PCDHGA3: variants seen among roughly 807,000 people sequenced by gnomAD.
The protein encoded by PCDHGA3 is protocadherin gamma subfamily A, 3, also known as protocadherin gamma-A3.
Under a neutral mutation model 58.5 loss-of-function variants are expected in PCDHGA3, and 40 were observed. The observed-to-expected ratio is 0.68, with a 90% CI of 0.53 to 0.89. The LOEUF is 0.89. PCDHGA3 is among the 40% of genes least tolerant of loss of function. The pLI is 0.00. For missense variants in PCDHGA3, 1,223 were observed against 1,195.9 expected (o/e 1.02, Z -0.33); for synonymous variants, 530 against 525.7 (o/e 1.01, Z -0.11).
At chr5:141,385,066 C>G in intron 1 of PCDHGA3, 1 of 1,614,194 alleles carries the variant, frequency 6.2e-7, no homozygotes, top group Non-Finnish European at 8.5e-7. Context: ...GCACAAGTCA[C>G]GCCTGCTGCA....
At chr5:141,474,016 G>A (rs1286684019) in intron 1 of PCDHGA3, among the ~76,000 whole-genome samples, 1 of 152,128 alleles carries the variant, frequency 6.6e-6, no homozygotes, top group Non-Finnish European at 1.5e-5. Context: ...GTTACAGTGA[G>A]CTATGATTAT....
rs1292946472 is a variant in PCDHGA3 at position 141,382,951 on chromosome 5, A to G, written c.2424+36494A>G. 2 of 1,600,898 alleles carry G rather than the reference A, an allele frequency of 1.2e-6. No homozygotes were observed. The highest frequency in any genetic ancestry group is 1.7e-6 in the Non-Finnish European group (2 of 1,171,390). On this transcript the variant is annotated intron_variant, in intron 1 of 3. Coordinates refer to ENST00000253812, the MANE Select transcript of PCDHGA3 (RefSeq NM_018916.4). ...CTACAGAGGATTCTTCCTGCTCTCCATCCTCCTGGGGACCCCCTGGGAAGC... is the reference window on the plus strand; with the variant it reads ...CTACAGAGGATTCTTCCTGCTCTCCGTCCTCCTGGGGACCCCCTGGGAAGC...
At chr5:141,362,212 G>C in intron 1 of PCDHGA3, 1 of 1,614,048 alleles carries the variant, frequency 6.2e-7, no homozygotes, top group Non-Finnish European at 8.5e-7. Flanking sequence ...GTTTTACCTG[G>C]TTGTGGCCTT....
At position 141,486,891 on chromosome 5, in the gene PCDHGA3, G is replaced by C. The variant is rs201201426; in HGVS notation, c.2425-7916G>C. On this transcript the variant is annotated intron_variant, in intron 1 of 3. Transcript: ENST00000253812. This position sits in a 1 kb window ranked among gnomAD's most constrained non-coding sequence, Gnocchi z 5.0. ...GTGCTCCGTCCTCGGGCCCGGCCTGGTTCCTTATGTCCCCAAGCACTGCCT... is the reference window on the plus strand; with the variant it reads ...GTGCTCCGTCCTCGGGCCCGGCCTGCTTCCTTATGTCCCCAAGCACTGCCT... 14 of 1,614,118 alleles carry C rather than the reference G, an allele frequency of 8.7e-6. No homozygotes were observed. The highest frequency in any genetic ancestry group is 3.3e-5 in the Admixed American group (2 of 60,008).
chr5:141,353,084 G>A (rs1759182149), intron 1 of PCDHGA3, among the ~76,000 whole-genome samples: 1 of 152,142 alleles, frequency 6.6e-6, no homozygotes, highest in African/African-American at 2.4e-5. Context: ...GGTATCTACT[G>A]CGGGAGGGGG....
At chr5:141,363,362 TC>T (rs1356000329) in intron 1 of PCDHGA3, among the ~76,000 whole-genome samples, 1 of 152,268 alleles carries the variant, frequency 6.6e-6, no homozygotes, top group African/African-American at 2.4e-5. Flanking sequence ...TCCATTTTTT[TC>T]AATCAAGAGG....
At chr5:141,369,706 T>G (rs973435309) in intron 1 of PCDHGA3, among the ~76,000 whole-genome samples, 2 of 152,204 alleles carry the variant, frequency 1.3e-5, no homozygotes, top group Admixed American at 1.3e-4. Context: ...AGCTATGACA[T>G]TATAACTTTT....
chr5:141,377,529 G>A (rs1774089651), intron 1 of PCDHGA3: 1 of 151,890 alleles, frequency 6.6e-6, no homozygotes, highest in African/African-American at 2.4e-5. Flanking sequence ...CCAGGGGTAT[G>A]AGGCTGCAGT....
chr5:141,389,695 A>G, intron 1 of PCDHGA3: 1 of 1,612,564 alleles, frequency 6.2e-7, no homozygotes, highest in Non-Finnish European at 8.5e-7. Context: ...TGGCTGTCCT[A>G]CCACGTGCTG....
intron 1 of PCDHGA3, chr5:141,360,880 G>T: frequency 1.2e-6 from 2 of 1,614,004 alleles, no homozygotes; most frequent in South Asian, 2.2e-5. Flanking sequence ...CGTGTACAGG[G>T]TCACCCTGAG....
chr5:141,432,800 C>T lies in PCDHGA3; in HGVS notation c.2425-62007C>T. The T allele has an allele frequency of 6.2e-7, 1 of 1,614,156 alleles. No individual in the cohort carries two copies. The highest frequency in any genetic ancestry group is 8.5e-7 in the Non-Finnish European group (1 of 1,180,008). ...GGCGGACCTCGGCAGCCTCGAGTCT[C>T]CAGCTAACTCTGAAACCTCAGACCT... On this transcript the variant is annotated intron_variant, in intron 1 of 3. Transcript: ENST00000253812. This position sits in a 1 kb window ranked among gnomAD's most constrained non-coding sequence, Gnocchi z 6.0.
rs767400679 is a variant in PCDHGA3, at chr5:141,476,863, C to T, written c.2425-17944C>T. 2.2e-5 allele frequency: 35 copies of T among 1,613,740 alleles called. No individual in the cohort carries two copies. Among genetic ancestry groups the T allele is most frequent in the Non-Finnish European group, 2.8e-5 (33 of 1,180,062 alleles). On this transcript the variant is annotated intron_variant, in intron 1 of 3. Coordinates refer to ENST00000253812, the MANE Select transcript of PCDHGA3 (RefSeq NM_018916.4). The surrounding 1 kb of genome is among the most constrained non-coding windows in gnomAD (Gnocchi z 7.6). ...CGCCTGTCTTCAACCAGTCCTTGTA[C>T]CGGGCGCGCGTCCTGGAGGATGCAC...
At chr5:141,469,721 A>G (rs1238006043) in intron 1 of PCDHGA3, among the ~76,000 whole-genome samples, 5 of 152,270 alleles carry the variant, frequency 3.3e-5, no homozygotes, top group African/African-American at 1.2e-4. Context: ...TTAGGAATTT[A>G]TCATAAATAC....
chr5:141,476,979 G>C lies in PCDHGA3; in HGVS notation c.2425-17828G>C. On this transcript the variant is annotated intron_variant, in intron 1 of 3. Coordinates refer to ENST00000253812, the MANE Select transcript of PCDHGA3 (RefSeq NM_018916.4). The surrounding 1 kb of genome is among the most constrained non-coding windows in gnomAD (Gnocchi z 7.6). Reference sequence around the variant, plus strand: ...ATTTACTCCTTCGGCAGCCACAACCGCGCCGGCGTGCGGCAACTATTCGCC... The same window carrying C: ...ATTTACTCCTTCGGCAGCCACAACCCCGCCGGCGTGCGGCAACTATTCGCC... 1 of 1,614,238 alleles carries C rather than the reference G, an allele frequency of 6.2e-7. No homozygotes were observed. The highest frequency in any genetic ancestry group is 1.3e-5 in the African/African-American group (1 of 75,074).
chr5:141,497,775 A>G (rs2099779384), intron 2 of PCDHGA3, among the ~76,000 whole-genome samples: 2 of 152,054 alleles, frequency 1.3e-5, no homozygotes, highest in South Asian at 4.2e-4. Context: ...CCCGACCTCA[A>G]CTGATCCACC....
chr5:141,408,656 C>G (rs1367377855), intron 1 of PCDHGA3: 1 of 1,614,030 alleles, frequency 6.2e-7, no homozygotes, highest in South Asian at 1.1e-5. Flanking sequence ...TGGTACACGA[C>G]TATCGCTTGA....
intron 1 of PCDHGA3, chr5:141,422,992 G>A: frequency 6.2e-7 from 1 of 1,614,238 alleles, no homozygotes; most frequent in Non-Finnish European, 8.5e-7. Flanking sequence ...TGGCTACCTG[G>A]TGACCAAGGT....
Position 141,414,535 on chromosome 5 carries a change from C to T in PCDHGA3, c.2424+68078C>T, listed in dbSNP as rs2095756820. The T allele has an allele frequency of 6.2e-7, 1 of 1,613,962 alleles. No individual in the cohort carries two copies. On this transcript the variant is annotated intron_variant, in intron 1 of 3. Coordinates refer to ENST00000253812, the MANE Select transcript of PCDHGA3 (RefSeq NM_018916.4). The stretch of plus-strand genomic sequence containing the variant: ...AGTGGCAGATATCAATGACAACCCA[C>T]CTACCTTCTCTCAAGTCTCCTACTT...
In PCDHGA3 at chr5:141,426,967, T is replaced by C. The variant is rs151241654; in HGVS notation, c.2425-67840T>C. 124 of 456,702 alleles carry C rather than the reference T, an allele frequency of 2.7e-4. 1 individual carries two copies. The highest frequency in any genetic ancestry group is 2.1e-3 in the African/African-American group (103 of 50,178). 28.3% of individuals were successfully genotyped at this position (456,702 alleles called of 1,614,324 possible). A position where few individuals can be genotyped will look rare whatever the true frequency, so the allele number is the denominator to read the frequency against. On this transcript the variant is annotated intron_variant, in intron 1 of 3. Coordinates refer to ENST00000253812, the MANE Select transcript of PCDHGA3 (RefSeq NM_018916.4). ...CCAACTGGCACTGCTGCAATTCAAA[T>C]TGAGGTCACTGATGCCAACGATAAT... is the stretch of plus-strand genomic sequence containing the variant.
Sources: gnomAD v4.1 joint callset for allele counts (sites outside exome capture counted in the v4.1 genomes callset) on GRCh38, gnomAD v4.1.1 for gene constraint, Gnocchi (gnomAD v3.1) non-coding constraint, MANE v1.5 for transcripts, NCBI Gene and HGNC (gene_info 2026-07-23, HGNC 2026-07-21) for gene names.